The following PAPPA2 variants were observed in gnomAD, a reference collection of about 807,000 sequenced individuals.
PAPPA2 encodes the protein pappalysin 2, also known as pappalysin-2.
PAPPA2 carries 86 observed loss-of-function variants against 176.4 expected under a neutral mutation model. That is an observed-to-expected ratio of 0.49 (90% CI 0.41 to 0.58). The LOEUF (loss-of-function observed/expected upper bound fraction) is 0.58. Among genes scored for constraint, PAPPA2 ranks in the 20% least tolerant of loss-of-function variants. The probability of loss-of-function intolerance (pLI) is 0.00; values close to 1 mark genes in which losing one functional copy is unlikely to be tolerated. For synonymous variants in PAPPA2, 809 were observed against 852.2 expected, an observed-to-expected ratio of 0.95 and a Z score of 0.88; for missense variants, 2,073 against 2,256.9, an observed-to-expected ratio of 0.92 and a Z score of 1.65.
intron 1 of PAPPA2, among the ~76,000 whole-genome samples, chr1:176,493,826 A>G (rs1366525893): frequency 6.6e-6 from 1 of 152,234 alleles, no homozygotes; most frequent in Admixed American, 6.5e-5. Context: ...TAAACAGTTC[A>G]GGAGAAAATC....
At chr1:176,828,983 A>G (rs1245101586) in intron 21 of PAPPA2, among the ~76,000 whole-genome samples, 4 of 152,266 alleles carry the variant, frequency 2.6e-5, no homozygotes, top group Non-Finnish European at 5.9e-5. Context: ...AGTCTGGGCA[A>G]CAACGCAAGA....
At chr1:176,501,524 T>C (rs924360287) in intron 1 of PAPPA2, among the ~76,000 whole-genome samples, 1 of 152,172 alleles carries the variant, frequency 6.6e-6, no homozygotes, top group African/African-American at 2.4e-5. Context: ...AAACTTAAAA[T>C]GGGAGCAAAC....
intron 3 of PAPPA2, among the ~76,000 whole-genome samples, chr1:176,656,969 A>G (rs1221461319): frequency 6.6e-6 from 1 of 151,906 alleles, no homozygotes; most frequent in South Asian, 2.1e-4. Context: ...TAATTCAGAG[A>G]GGAATTACTG....
chr1:176,608,066 T>C (rs1345830215), intron 3 of PAPPA2, among the ~76,000 whole-genome samples: 3 of 152,186 alleles, frequency 2.0e-5, no homozygotes, highest in Non-Finnish European at 2.9e-5. Flanking sequence ...GTTGTGATAC[T>C]GTATTATAGT....
chr1:176,489,013 A>C lies in PAPPA2; in HGVS notation c.-917+25595A>C, dbSNP rs114103881. ...CATCTGTATAATAAGGTTGGGGTAC[A>C]TGCTGTCTAATGCAGTGATTTTCAA... On this transcript the variant is annotated intron_variant, in intron 1 of 22. Transcript: ENST00000367662. Among the ~76,000 whole-genome samples the C allele has an allele frequency of 5.2e-3, 797 of 152,316 alleles. 6 individuals are homozygous for C. The highest frequency in any genetic ancestry group is 0.017 in the Middle Eastern group (5 of 294).
At chr1:176,685,863 T>C (rs886295617) in intron 4 of PAPPA2, among the ~76,000 whole-genome samples, 5 of 152,248 alleles carry the variant, frequency 3.3e-5, no homozygotes, top group Non-Finnish European at 7.3e-5. Flanking sequence ...TTGGCATGAG[T>C]ACATGTGTAT....
chr1:176,801,105 G>GCACACACACACA (rs111806822), intron 21 of PAPPA2, among the ~76,000 whole-genome samples: 1 of 148,860 alleles, frequency 6.7e-6, no homozygotes, highest in African/African-American at 2.5e-5. Context: ...ACACACACAC[G>GCACACACACACA]CACACACACA....
At chr1:176,664,051 T>C (rs1658493889) in intron 3 of PAPPA2, among the ~76,000 whole-genome samples, 1 of 152,176 alleles carries the variant, frequency 6.6e-6, no homozygotes, top group Non-Finnish European at 1.5e-5. Flanking sequence ...TTAAAACAAA[T>C]CTTTTCATTT....
At chr1:176,708,002 G>A (rs138998839) in intron 10 of PAPPA2, among the ~76,000 whole-genome samples, 7 of 152,156 alleles carry the variant, frequency 4.6e-5, no homozygotes, top group Admixed American at 6.5e-5. Flanking sequence ...CGAATACATC[G>A]AACCGATTAC....
chr1:176,591,119 ACACAC>A (rs1653636619), intron 2 of PAPPA2, among the ~76,000 whole-genome samples: 1 of 150,632 alleles, frequency 6.6e-6, no homozygotes. Context: ...ACACACACAC[ACACAC>A]AAAATTCCAG....
intron 14 of PAPPA2, among the ~76,000 whole-genome samples, chr1:176,743,116 A>T (rs1342458056): frequency 6.6e-6 from 1 of 152,190 alleles, no homozygotes; most frequent in Non-Finnish European, 1.5e-5. Context: ...TCTTATCAAA[A>T]TGAAAAAGCA....
At chr1:176,672,391 T>G (rs1467393391) in intron 4 of PAPPA2, among the ~76,000 whole-genome samples, 1 of 152,078 alleles carries the variant, frequency 6.6e-6, no homozygotes, top group Admixed American at 6.6e-5. Context: ...AGTAATCAAA[T>G]AAGAAGCAGA....
At chr1:176,677,185 A>C (rs990190573) in intron 4 of PAPPA2, among the ~76,000 whole-genome samples, 23 of 152,186 alleles carry the variant, frequency 1.5e-4, no homozygotes, top group African/African-American at 5.5e-4. Flanking sequence ...GATAGCTGGC[A>C]TAACGTGATA....
chr1:176,667,016 C>T (rs1172150007), intron 3 of PAPPA2, among the ~76,000 whole-genome samples: 5 of 151,952 alleles, frequency 3.3e-5, no homozygotes, highest in South Asian at 4.2e-4. Flanking sequence ...GAGGCCGAGG[C>T]GGGCAGATCA....
chr1:176,578,608 A>T (rs1174807675), intron 2 of PAPPA2, among the ~76,000 whole-genome samples: 14 of 152,230 alleles, frequency 9.2e-5, no homozygotes, highest in Admixed American at 9.2e-4. Context: ...CAGCAGTTCA[A>T]CAAGGCTCAG....
At position 176,844,007 on chromosome 1, in the gene PAPPA2, C is replaced by A. The variant is rs1667576911; in HGVS notation, c.*1553C>A. ...AATAGATGGAATGCACATGAAATGA[C>A]CATATTAAGCCTCTCTCTATTTACA... On this transcript the variant is annotated 3_prime_UTR_variant, in exon 23 of 23. Transcript: ENST00000367662. 1 of 152,058 alleles carries A rather than the reference C, an allele frequency of 6.6e-6. No individual in the cohort carries two copies. The highest frequency in any genetic ancestry group is 1.5e-5 in the Non-Finnish European group (1 of 68,016). 9.4% of individuals were successfully genotyped at this position (152,058 alleles called of 1,614,324 possible).
chr1:176,795,012 C>A (rs527260004), intron 20 of PAPPA2, among the ~76,000 whole-genome samples: 1 of 152,240 alleles, frequency 6.6e-6, no homozygotes, highest in South Asian at 2.1e-4. Context: ...GCAGCCGAAT[C>A]GTCAATGGTG....
At chr1:176,648,653 G>A (rs1052167631) in intron 3 of PAPPA2, among the ~76,000 whole-genome samples, 1 of 151,400 alleles carries the variant, frequency 6.6e-6, no homozygotes, top group South Asian at 2.1e-4. Context: ...CTGTTGTTGA[G>A]TTTTATTGAA....
intron 18 of PAPPA2, 125 bp from the exon 19 acceptor site, chr1:176,791,222 T>C (rs1383684042): frequency 1.9e-6 from 1 of 530,116 alleles, no homozygotes; most frequent in East Asian, 4.0e-5. Context: ...AATATGTTGT[T>C]TCAATAGTGT....
Sources: gnomAD v4.1 joint callset for allele counts (sites outside exome capture counted in the v4.1 genomes callset) on GRCh38, gnomAD v4.1.1 for gene constraint, MANE v1.5 for transcripts, NCBI Gene and HGNC (gene_info 2026-07-23, HGNC 2026-07-21) for gene names.